Variants in DIXDC1 observed in about 807,000 individuals in gnomAD.
The protein encoded by DIXDC1 is DIX domain containing 1, also known as dixin.
DIXDC1 carries 64 observed loss-of-function variants against 103.1 expected under a neutral mutation model. The observed-to-expected ratio is 0.62, with a 90% CI of 0.51 to 0.76. The LOEUF (loss-of-function observed/expected upper bound fraction) is 0.76, where lower values mean the gene tolerates loss of function less well. Among genes scored for constraint, DIXDC1 ranks in the 30% least tolerant of loss-of-function variants. The probability of loss-of-function intolerance (pLI) is 0.00; values close to 1 mark genes in which losing one functional copy is unlikely to be tolerated. For missense variants in DIXDC1, 759 were observed against 834.2 expected (o/e 0.91, Z 1.11); for synonymous variants, 266 against 298.5 (o/e 0.89, Z 1.12).
At chr11:111,987,464 T>C (rs1383038970) in intron 9 of DIXDC1, among the ~76,000 whole-genome samples, 4 of 152,146 alleles carry the variant, frequency 2.6e-5, no homozygotes, top group Non-Finnish European at 5.9e-5. Context: ...GTTTGAAATA[T>C]TTCATGGTTT....
intron 7 of DIXDC1, among the ~76,000 whole-genome samples, chr11:111,982,790 G>A (rs1356707141): frequency 6.6e-6 from 1 of 152,176 alleles, no homozygotes. Flanking sequence ...CCCTGTATGT[G>A]GCTGCAGACC....
At chr11:111,979,828 C>T (rs1170633721) in intron 5 of DIXDC1, among the ~76,000 whole-genome samples, 2 of 152,050 alleles carry the variant, frequency 1.3e-5, no homozygotes, top group Non-Finnish European at 2.9e-5. Context: ...ATCATATGCA[C>T]CTGTAGTCCT....
intron 15 of DIXDC1, 113 bp from the exon 16 acceptor site, chr11:111,995,290 C>A: frequency 6.9e-7 from 1 of 1,440,416 alleles, no homozygotes; most frequent in Admixed American, 1.9e-5. Flanking sequence ...AAACCATAGG[C>A]CTGCTTCTGT....
intron 1 of DIXDC1, among the ~76,000 whole-genome samples, chr11:111,949,761 T>C (rs1966715836): frequency 6.6e-6 from 1 of 152,178 alleles, no homozygotes; most frequent in African/African-American, 2.4e-5. Context: ...TAAGATAGTA[T>C]GTGTCTTCTG....
chr11:112,018,943 T>G lies in DIXDC1; in HGVS notation c.1972-13T>G, dbSNP rs898158130. 2.5e-5 allele frequency: 40 copies of G among 1,611,020 alleles called. No individual in the cohort carries two copies. The highest frequency in any genetic ancestry group is 3.1e-5 in the Non-Finnish European group (37 of 1,178,704). On this transcript the variant is annotated splice_polypyrimidine_tract_variant and intron_variant, in intron 19 of 19. Transcript: ENST00000440460. ...CCTGTTTTTTCACTGTGGCTTTTTGTTTTTTTCTCTAGATTTTCCATGATG... is the reference window on the plus strand; with the variant it reads ...CCTGTTTTTTCACTGTGGCTTTTTGGTTTTTTCTCTAGATTTTCCATGATG...
Position 111,977,440 on chromosome 11 carries a change from C to G in DIXDC1, c.656+2457C>G. On this transcript the variant is annotated intron_variant, in intron 5 of 19. Coordinates refer to ENST00000440460, the MANE Select transcript of DIXDC1 (RefSeq NM_001037954.4). The surrounding 1 kb of genome is among the most constrained non-coding windows in gnomAD (Gnocchi z 6.1). ...GGGGGGATGCCCGGCACCGTGCGTC[C>G]GCGGAGGCCAAGATGCAGCGGCCAG... 8.1e-7 allele frequency: 1 copy of G among 1,227,992 alleles called. No homozygotes were observed. The highest frequency in any genetic ancestry group is 1.6e-5 in the African/African-American group (1 of 61,940). The allele number at this position is 1,227,992 out of a possible 1,614,324, so 76.1% of individuals were successfully genotyped here. A position where few individuals can be genotyped will look rare whatever the true frequency, so the allele number is the denominator to read the frequency against.
chr11:112,016,643 G>A, intron 17 of DIXDC1, 48 bp from the exon 18 acceptor site: 3 of 1,476,934 alleles, frequency 2.0e-6, no homozygotes, highest in South Asian at 2.6e-5. Flanking sequence ...GCAGATGGCT[G>A]GTTTAGAGCA....
chr11:112,004,007 C>T (rs1444870303), intron 17 of DIXDC1, among the ~76,000 whole-genome samples: 1 of 133,306 alleles, frequency 7.5e-6, no homozygotes, highest in Non-Finnish European at 1.6e-5. Context: ...AAAAAAACCC[C>T]ATCTTAAAAA....
intron 1 of DIXDC1, among the ~76,000 whole-genome samples, chr11:111,939,398 A>G (rs1352478680): frequency 6.6e-6 from 1 of 152,216 alleles, no homozygotes; most frequent in East Asian, 1.9e-4. Flanking sequence ...TGGTAATGGA[A>G]TCTTCATAAA....
At chr11:111,956,411 A>G (rs1011615891) in intron 1 of DIXDC1, among the ~76,000 whole-genome samples, 1 of 152,194 alleles carries the variant, frequency 6.6e-6, no homozygotes, top group African/African-American at 2.4e-5. Flanking sequence ...GCATGTGATA[A>G]TAATACAGGA....
Position 111,946,172 on chromosome 11 carries a change from G to A in DIXDC1, c.60+8613G>A, listed in dbSNP as rs587623690. ...CGCCTAGGCCGGACTGCAGTGGTGC[G>A]ATCTCGGCTCACTGCAAGCTCCGCC... is the stretch of plus-strand genomic sequence containing the variant. On this transcript the variant is annotated intron_variant, in intron 1 of 19. Coordinates refer to ENST00000440460, the MANE Select transcript of DIXDC1 (RefSeq NM_001037954.4). Among the ~76,000 whole-genome samples the A allele has an allele frequency of 7.3e-5, 11 of 150,182 alleles. No homozygotes were observed. In the East Asian group the frequency reaches 9.8e-4, roughly 13 times the overall value.
At chr11:111,994,537 GTATATGTATATGTATGTA>G (rs1308010067) in intron 14 of DIXDC1, among the ~76,000 whole-genome samples, 4 of 150,218 alleles carry the variant, frequency 2.7e-5, no homozygotes, top group African/African-American at 4.9e-5. Flanking sequence ...GTATATGTGT[GTATATGTATATGTATGTA>G]TATATGTATA....
rs181971535 is a variant in DIXDC1 at position 111,962,360 on chromosome 11, T to C, written c.61-2189T>C. 5.5e-3 allele frequency among the ~76,000 whole-genome samples: 840 copies of C among 152,126 alleles called. 3 individuals are homozygous for C. The highest frequency in any genetic ancestry group is 7.9e-3 in the Non-Finnish European group (534 of 68,006). On this transcript the variant is annotated intron_variant, in intron 1 of 19. Transcript: ENST00000440460. Reference sequence around the variant, plus strand: ...AGCCCGGCGTGGTGGCAGGCACCCGTAGTCCCAGCTACTTGGGAGGCTGAG... The same window carrying C: ...AGCCCGGCGTGGTGGCAGGCACCCGCAGTCCCAGCTACTTGGGAGGCTGAG...
chr11:112,010,195 CA>C (rs782568641), intron 17 of DIXDC1, among the ~76,000 whole-genome samples: 5 of 152,130 alleles, frequency 3.3e-5, no homozygotes, highest in Non-Finnish European at 7.3e-5. Context: ...AGTGAACTCC[CA>C]ATCACAATTG....
intron 1 of DIXDC1, among the ~76,000 whole-genome samples, chr11:111,951,065 A>G (rs1966788290): frequency 6.6e-6 from 1 of 152,340 alleles, no homozygotes; most frequent in East Asian, 1.9e-4. Context: ...ATACAAATAC[A>G]CAAAATAAGA....
At chr11:111,997,984 C>A (rs1860955967) in intron 17 of DIXDC1, among the ~76,000 whole-genome samples, 1 of 152,202 alleles carries the variant, frequency 6.6e-6, no homozygotes, top group Admixed American at 6.5e-5. Flanking sequence ...GCTCTCTTTT[C>A]TTCCTCACTT....
At chr11:111,948,383 T>C (rs1347805289) in intron 1 of DIXDC1, among the ~76,000 whole-genome samples, 1 of 152,162 alleles carries the variant, frequency 6.6e-6, no homozygotes, top group East Asian at 1.9e-4. Context: ...TAATTTCTTC[T>C]CCCTGGCCCA....
intron 17 of DIXDC1, among the ~76,000 whole-genome samples, chr11:112,005,185 A>G (rs587666899): frequency 6.6e-6 from 1 of 152,360 alleles, no homozygotes; most frequent in South Asian, 2.1e-4. Flanking sequence ...CACTATAAAT[A>G]TAATGATATA....
At chr11:111,989,675 G>A (rs1860630783) in intron 10 of DIXDC1, among the ~76,000 whole-genome samples, 1 of 147,278 alleles carries the variant, frequency 6.8e-6, no homozygotes, top group African/African-American at 2.5e-5. Flanking sequence ...TATTTACTTT[G>A]TTTTTGAATA....
Sources: allele counts gnomAD v4.1 joint callset (sites outside exome capture counted in the v4.1 genomes callset), GRCh38; gene constraint gnomAD v4.1.1; non-coding constraint Gnocchi (gnomAD v3.1); transcripts MANE v1.5; gene names NCBI Gene and HGNC (gene_info 2026-07-23, HGNC 2026-07-21).